Variants in RBM19 observed in about 807,000 individuals in gnomAD.
RBM19 encodes the protein RNA binding motif protein 19, also known as probable RNA-binding protein 19.
Under a neutral mutation model 116.8 loss-of-function variants are expected in RBM19, and 94 were observed. The observed-to-expected ratio is 0.80, with a 90% CI of 0.68 to 0.95. RBM19 has a LOEUF of 0.95. RBM19 is among the 40% of genes least tolerant of loss of function. RBM19 has a pLI of 0.00. For missense variants in RBM19, 1,161 were observed against 1,220.7 expected (o/e 0.95, Z 0.73); for synonymous variants, 475 against 494.1 (o/e 0.96, Z 0.51).
At chr12:113,928,624 G>GGTGT (rs757641377) in intron 16 of RBM19, among the ~76,000 whole-genome samples, 1,775 of 54,282 alleles carry the variant, frequency 0.033, 19 homozygotes, top group East Asian at 0.085. Context: ...GTTAGCAAGG[G>GGTGT]ATGTGTGTGT....
At chr12:113,869,729 A>C (rs1403356700) in intron 21 of RBM19, among the ~76,000 whole-genome samples, 5 of 152,128 alleles carry the variant, frequency 3.3e-5, no homozygotes, top group African/African-American at 1.2e-4. Context: ...GAAAAAAAAA[A>C]CCCAGCCGTT....
intron 16 of RBM19, among the ~76,000 whole-genome samples, chr12:113,932,886 G>A (rs1477345793): frequency 6.6e-6 from 1 of 152,132 alleles, no homozygotes; most frequent in Non-Finnish European, 1.5e-5. Context: ...GGAGAGGCAG[G>A]GGAACTGTGC....
At chr12:113,881,624 T>G (rs535364353) in intron 21 of RBM19, among the ~76,000 whole-genome samples, 46 of 152,248 alleles carry the variant, frequency 3.0e-4, no homozygotes, top group African/African-American at 1.1e-3. Context: ...CGTGGCAGCC[T>G]CTCTCTTTCC....
At chr12:113,897,890 C>A (rs568394541) in intron 21 of RBM19, among the ~76,000 whole-genome samples, 2 of 152,330 alleles carry the variant, frequency 1.3e-5, no homozygotes, top group Non-Finnish European at 2.9e-5. Context: ...AGCCTCTGGC[C>A]ACATCCCATT....
At chr12:113,817,218 T>C (rs1874095389), downstream of RBM19, 1 of 152,214 alleles carries the variant, frequency 6.6e-6, no homozygotes, top group Admixed American at 6.5e-5. Context: ...ACCTGATGCA[T>C]GGGGCTTAAA....
chr12:113,859,599 TC>T (rs965739345), intron 21 of RBM19, among the ~76,000 whole-genome samples: 5 of 151,896 alleles, frequency 3.3e-5, no homozygotes, highest in African/African-American at 1.2e-4. Context: ...CCTTGGACCA[TC>T]CCCCCCGGTT....
At chr12:113,832,139 C>T (rs1875476978) in intron 23 of RBM19, among the ~76,000 whole-genome samples, 1 of 152,094 alleles carries the variant, frequency 6.6e-6, no homozygotes, top group South Asian at 2.1e-4. Flanking sequence ...TGACCAGGAG[C>T]TGGAGATAGG....
At chr12:113,856,508 A>G (rs1034872238) in intron 22 of RBM19, among the ~76,000 whole-genome samples, 2 of 152,206 alleles carry the variant, frequency 1.3e-5, no homozygotes, top group African/African-American at 4.8e-5. Flanking sequence ...CTTGGTGCTG[A>G]AAGAGGGCTT....
intron 21 of RBM19, among the ~76,000 whole-genome samples, chr12:113,873,575 C>T (rs1320459006): frequency 8.3e-6 from 1 of 120,712 alleles, no homozygotes; most frequent in East Asian, 2.4e-4. Context: ...CTAGGAAAAC[C>T]AGAGACCTTT....
rs1401123277 is a variant in RBM19 at position 113,955,203 on chromosome 12, T to A, written c.849A>T (p.Lys283Asn). Residue 283 changes from lysine to asparagine, a missense_variant, in exon 7 of 24, where the codon AAA (lysine) becomes AAT (asparagine). Lys to Asn is a moderately conservative substitution (Grantham distance 94). Coordinates refer to ENST00000261741, the MANE Select transcript of RBM19 (RefSeq NM_016196.4). The stretch of plus-strand genomic sequence containing the variant: ...TGGTGGGTTCCTTCTGGTTTGCTGG[T>A]TTCTCTGTCTGAGTGATCACAAAAA... The part of the protein sequence containing the change: ...RPPEARAETE[K>N]PANQKEPTTC... 1 of 1,614,052 alleles carries A rather than the reference T, an allele frequency of 6.2e-7. No homozygotes were observed. Among genetic ancestry groups the A allele is most frequent in the Admixed American group, 1.7e-5 (1 of 60,020 alleles).
rs1439902859 is a variant in RBM19, at chr12:113,898,426, C to T, written c.2558+16543G>A. 2.0e-5 allele frequency among the ~76,000 whole-genome samples: 3 copies of T among 152,118 alleles called. No individual in the cohort carries two copies. On this transcript the variant is annotated intron_variant, in intron 21 of 23. Transcript: ENST00000261741. This position sits in a 1 kb window ranked among gnomAD's most constrained non-coding sequence, Gnocchi z 4.3. ...AGAGTGTTCAGATCATGTCTCTGCA[C>T]CTAACCAACTGGCAACAAGAGATCA...
chr12:113,946,246 TGAACTAAACCCA>T lies in RBM19; in HGVS notation c.1529+96_1529+107del. 10 of 1,469,544 alleles carry T rather than the reference TGAACTAAACCCA, an allele frequency of 6.8e-6. No individual in the cohort carries two copies. In the South Asian group the frequency reaches 1.2e-4, roughly 18 times the overall value. 91.0% of individuals were successfully genotyped at this position (1,469,544 alleles called of 1,614,324 possible). A position where few individuals can be genotyped will look rare whatever the true frequency, so the allele number is the denominator to read the frequency against. On this transcript the variant is annotated intron_variant, in intron 12 of 23. Coordinates refer to ENST00000261741, the MANE Select transcript of RBM19 (RefSeq NM_016196.4). ...GAGAAAACTGAAGCTCGGTAAGGTA[TGAACTAAACCCA>T]TCAGGAGTCAGAAGACCCAGGTGGC...
intron 6 of RBM19, among the ~76,000 whole-genome samples, chr12:113,956,746 C>T (rs1374937331): frequency 1.3e-5 from 2 of 152,172 alleles, no homozygotes; most frequent in African/African-American, 2.4e-5. Flanking sequence ...GAAGCGCCCA[C>T]GTTTATGATC....
In RBM19 at chr12:113,960,184, T is replaced by C. The variant is rs1306536008; in HGVS notation, c.220-6A>G. Reference sequence around the variant, plus strand: ...AATGACTTGCAGAACTCCACCTGTGTGGGAAAGAGAGTGATTTTCACACCT... The same window carrying C: ...AATGACTTGCAGAACTCCACCTGTGCGGGAAAGAGAGTGATTTTCACACCT... On this transcript the variant is annotated splice_polypyrimidine_tract_variant and splice_region_variant and intron_variant, in intron 2 of 23. Coordinates refer to ENST00000261741, the MANE Select transcript of RBM19 (RefSeq NM_016196.4). The C allele has an allele frequency of 3.1e-6, 5 of 1,613,132 alleles. No individual in the cohort carries two copies. In the South Asian group the frequency reaches 5.5e-5, roughly 18 times the overall value.
At chr12:113,953,886 T>A (rs1360634674) in intron 7 of RBM19, among the ~76,000 whole-genome samples, 1 of 152,242 alleles carries the variant, frequency 6.6e-6, no homozygotes, top group Non-Finnish European at 1.5e-5. Context: ...ACAACGAATA[T>A]GTGACAGAGA....
Position 113,873,678 on chromosome 12 carries a change from A to C in RBM19, c.2559-14782T>G, listed in dbSNP as rs1490827752. ...GAGAAACACCCAAGAATTATCAATAAAAAAATAAATTAAAAAAAAAAAAAA... is the reference window on the plus strand; with the variant it reads ...GAGAAACACCCAAGAATTATCAATACAAAAATAAATTAAAAAAAAAAAAAA... On this transcript the variant is annotated intron_variant, in intron 21 of 23. Transcript: ENST00000261741. Among the ~76,000 whole-genome samples, 4 of 113,130 alleles carry C rather than the reference A, an allele frequency of 3.5e-5. No homozygotes were observed. The East Asian group carries it at 1.6e-3, about 45-fold the overall frequency. The allele number at this position is 113,130 out of a possible 152,430, so 74.2% of individuals were successfully genotyped here. A position where few individuals can be genotyped will look rare whatever the true frequency, so the allele number is the denominator to read the frequency against.
In RBM19 at chr12:113,950,092, C is replaced by A; in HGVS notation, c.1063G>T (p.Glu355Ter). The change falls in exon 9 of 24, where the codon GAG (glutamate) becomes TAG (stop). Residue 355 changes from glutamate to a stop codon, truncating the protein, a stop_gained. Transcript: ENST00000261741. LOFTEE classifies it high-confidence loss of function. ...GCCAGGGCTTCCTTACCCATGTACT[C>A]CCGGTTGCATTTCAGAGCTTGCTTC... ...EVKQALKCNR[E>*]YMGGRYIEVF... 6.2e-7 allele frequency: 1 copy of A among 1,606,700 alleles called. No individual in the cohort carries two copies. Among genetic ancestry groups the A allele is most frequent in the Non-Finnish European group, 8.5e-7 (1 of 1,173,328 alleles).
chr12:113,827,831 G>A (rs1257548233), intron 23 of RBM19, among the ~76,000 whole-genome samples: 5 of 151,932 alleles, frequency 3.3e-5, no homozygotes, highest in African/African-American at 9.7e-5. Context: ...GGCAACCTTG[G>A]GTAAGTTGCT....
At chr12:113,923,685 T>A (rs1868794312) in intron 18 of RBM19, among the ~76,000 whole-genome samples, 1 of 152,204 alleles carries the variant, frequency 6.6e-6, no homozygotes, top group Admixed American at 6.5e-5. Flanking sequence ...GAACACCTTG[T>A]TCCCGCCGCC....
Sources: gnomAD v4.1 joint callset for allele counts (sites outside exome capture counted in the v4.1 genomes callset) on GRCh38, gnomAD v4.1.1 for gene constraint, Gnocchi (gnomAD v3.1) non-coding constraint, MANE v1.5 for transcripts, NCBI Gene and HGNC (gene_info 2026-07-23, HGNC 2026-07-21) for gene names.